The following SLC8B1 variants were observed in gnomAD, a reference collection of about 807,000 sequenced individuals.
SLC8B1 encodes solute carrier family 8 member B1.
SLC8B1 carries 52 observed loss-of-function variants against 63.4 expected under a neutral mutation model. The observed-to-expected ratio is 0.82, with a 90% CI of 0.66 to 1.03. The LOEUF is 1.03. Among genes scored for constraint, SLC8B1 ranks in the 50% least tolerant of loss-of-function variants. The probability of loss-of-function intolerance (pLI) is 0.00; values close to 1 mark genes in which losing one functional copy is unlikely to be tolerated. For missense variants in SLC8B1, 657 were observed against 741.7 expected (o/e 0.89, Z 1.33); for synonymous variants, 336 against 323.9 (o/e 1.04, Z -0.40).
chr12:113,315,366 CA>C lies in SLC8B1; in HGVS notation c.1103del (p.Leu368ArgfsTer5), dbSNP rs1223354096. 1.0e-5 allele frequency: 16 copies of C among 1,555,912 alleles called. No homozygotes were observed. Among genetic ancestry groups the C allele is most frequent in the Non-Finnish European group, 1.3e-5 (15 of 1,149,320 alleles). Reference protein sequence around the residue: ...LNCLHLVISPLVVVLTLQSGT... With the variant: ...LNCLHLVISPXVVVLTLQSGT... ...CCGACTGCAGGGTCAGGACCACAAC[CA>C]GGGGGCTGATAACCAGATGCAGACA... On this transcript the variant is annotated frameshift_variant, in exon 11 of 16. Coordinates refer to ENST00000680972, the MANE Select transcript of SLC8B1 (RefSeq NM_001358345.2). LOFTEE classifies it high-confidence loss of function.
intron 2 of SLC8B1, among the ~76,000 whole-genome samples, chr12:113,324,591 G>A (rs906823826): frequency 6.6e-6 from 1 of 151,368 alleles, no homozygotes; most frequent in Non-Finnish European, 1.5e-5. Flanking sequence ...ATTTTTAGTA[G>A]AAATGGGGTT....
rs931113484 is a variant in SLC8B1 at position 113,305,983 on chromosome 12, C to T, written c.1492+512G>A. Among the ~76,000 whole-genome samples the T allele has an allele frequency of 1.0e-4, 15 of 145,378 alleles. No individual in the cohort carries two copies. Among genetic ancestry groups the T allele is most frequent in the Non-Finnish European group, 2.1e-4 (14 of 67,360 alleles). ...CTGAGGCAGGAGAATTGCTTGAACC[C>T]GGAAGGCAGAAATTGCAGTGAGCCA... On this transcript the variant is annotated intron_variant, in intron 14 of 15. Transcript: ENST00000680972. The surrounding 1 kb of genome is among the most constrained non-coding windows in gnomAD (Gnocchi z 4.3).
At chr12:113,329,242 G>C (rs1481530587) in intron 2 of SLC8B1, among the ~76,000 whole-genome samples, 1 of 152,174 alleles carries the variant, frequency 6.6e-6, no homozygotes, top group South Asian at 2.1e-4. Context: ...GGCACAGAGA[G>C]GCAAAGTGGC....
chr12:113,304,249 G>A (rs1182694131), intron 15 of SLC8B1, 72 bp downstream of exon 15: 7 of 1,443,920 alleles, frequency 4.8e-6, no homozygotes, highest in Non-Finnish European at 6.8e-6. Context: ...CCAAAGCCAG[G>A]GCCTTCCTGC....
intron 15 of SLC8B1, among the ~76,000 whole-genome samples, chr12:113,301,632 C>G (rs1355250840): frequency 6.6e-6 from 1 of 152,168 alleles, no homozygotes; most frequent in East Asian, 1.9e-4. Context: ...AACCACCGCA[C>G]CCAGCCCATA....
chr12:113,311,135 TGCA>T (rs1024537159), intron 11 of SLC8B1, among the ~76,000 whole-genome samples: 1 of 152,126 alleles, frequency 6.6e-6, no homozygotes, highest in African/African-American at 2.4e-5. Flanking sequence ...GGCAACATGG[TGCA>T]ACCCCATCTC....
chr12:113,298,802 A>G lies in SLC8B1; in HGVS notation c.*975T>C, dbSNP rs994898196. ...TTTTGACTTTTTTTTTATTTGGAAAAGAGACAGTTGAATCCCTTTTCTTTA... is the reference window on the plus strand; with the variant it reads ...TTTTGACTTTTTTTTTATTTGGAAAGGAGACAGTTGAATCCCTTTTCTTTA... On this transcript the variant is annotated 3_prime_UTR_variant, in exon 16 of 16. Transcript: ENST00000680972. 2.6e-5 allele frequency: 4 copies of G among 152,240 alleles called. No homozygotes were observed. Among genetic ancestry groups the G allele is most frequent in the African/African-American group, 9.6e-5 (4 of 41,462 alleles). The allele number at this position is 152,240 out of a possible 1,614,324, so 9.4% of individuals were successfully genotyped here. A position where few individuals can be genotyped will look rare whatever the true frequency, so the allele number is the denominator to read the frequency against.
chr12:113,305,992 GAA>G lies in SLC8B1; in HGVS notation c.1492+501_1492+502del, dbSNP rs1289227701. ...GAGAATTGCTTGAACCCGGAAGGCAGAAATTGCAGTGAGCCAAGATCACGCCA... is the reference window on the plus strand; with the variant it reads ...GAGAATTGCTTGAACCCGGAAGGCAGATTGCAGTGAGCCAAGATCACGCCA... On this transcript the variant is annotated intron_variant, in intron 14 of 15. Coordinates refer to ENST00000680972, the MANE Select transcript of SLC8B1 (RefSeq NM_001358345.2). The surrounding 1 kb of genome is among the most constrained non-coding windows in gnomAD (Gnocchi z 4.3). Among the ~76,000 whole-genome samples the G allele has an allele frequency of 7.7e-6, 1 of 129,278 alleles. No individual in the cohort carries two copies. Among genetic ancestry groups the G allele is most frequent in the East Asian group, 2.5e-4 (1 of 3,968 alleles). 84.8% of individuals were successfully genotyped at this position (129,278 alleles called of 152,430 possible).
intron 2 of SLC8B1, among the ~76,000 whole-genome samples, chr12:113,327,528 T>G (rs145626021): frequency 6.6e-6 from 1 of 150,626 alleles, no homozygotes; most frequent in Non-Finnish European, 1.5e-5. Flanking sequence ...CCACTAAAAA[T>G]ATAAAAATTA....
intron 15 of SLC8B1, chr12:113,302,628 A>G (rs1205174192): frequency 2.2e-6 from 1 of 456,072 alleles, no homozygotes; most frequent in Non-Finnish European, 4.4e-6. Flanking sequence ...CGCAGTGAAG[A>G]CATGAGGTAC....
chr12:113,327,558 G>A (rs1364158032), intron 2 of SLC8B1, among the ~76,000 whole-genome samples: 4 of 151,574 alleles, frequency 2.6e-5, no homozygotes, highest in Non-Finnish European at 5.9e-5. Flanking sequence ...GGTGGCGTGT[G>A]CCTGTGTTCC....
intron 2 of SLC8B1, among the ~76,000 whole-genome samples, chr12:113,323,569 C>T (rs915937431): frequency 2.0e-5 from 3 of 151,978 alleles, no homozygotes; most frequent in Non-Finnish European, 2.9e-5. Flanking sequence ...ATGAGCCAGG[C>T]GTGGTGACAT....
intron 15 of SLC8B1, among the ~76,000 whole-genome samples, chr12:113,303,410 C>T (rs1021838029): frequency 2.0e-5 from 3 of 152,128 alleles, no homozygotes; most frequent in Non-Finnish European, 4.4e-5. Flanking sequence ...CAACTCGTGC[C>T]TCTGGGAGAA....
At chr12:113,318,466 G>T (rs553750527) in intron 8 of SLC8B1, among the ~76,000 whole-genome samples, 1 of 151,792 alleles carries the variant, frequency 6.6e-6, no homozygotes, top group South Asian at 2.1e-4. Context: ...ATGTGTGCAT[G>T]TATTTGTGTG....
chr12:113,327,965 C>T (rs1357345824), intron 2 of SLC8B1, among the ~76,000 whole-genome samples: 2 of 139,836 alleles, frequency 1.4e-5, no homozygotes, highest in Non-Finnish European at 3.0e-5. Context: ...GCAACAAGAG[C>T]GAAACTACGT....
At chr12:113,304,672 G>A (rs749284631) in intron 14 of SLC8B1, among the ~76,000 whole-genome samples, 2 of 152,114 alleles carry the variant, frequency 1.3e-5, no homozygotes, top group African/African-American at 4.8e-5. Context: ...GTGTGAACAC[G>A]GCTCACTGCA....
At chr12:113,313,302 G>C (rs948109592) in intron 11 of SLC8B1, among the ~76,000 whole-genome samples, 1 of 151,452 alleles carries the variant, frequency 6.6e-6, no homozygotes, top group Non-Finnish European at 1.5e-5. Context: ...CAGGTGACAC[G>C]GTTTCCTTTT....
chr12:113,299,293 C>A lies in SLC8B1; in HGVS notation c.*484G>T, dbSNP rs762647947. On this transcript the variant is annotated 3_prime_UTR_variant, in exon 16 of 16. Coordinates refer to ENST00000680972, the MANE Select transcript of SLC8B1 (RefSeq NM_001358345.2). The stretch of plus-strand genomic sequence containing the variant: ...TGCGGCTCTGGAGCTCAGCCCTCGG[C>A]GGCCTGATTCCCAGGGGTCCAAGCC... The A allele has an allele frequency of 5.6e-6, 1 of 177,256 alleles. No individual in the cohort carries two copies. Among genetic ancestry groups the A allele is most frequent in the Admixed American group, 5.4e-5 (1 of 18,536 alleles). The allele number at this position is 177,256 out of a possible 1,614,324, so 11.0% of individuals were successfully genotyped here.
chr12:113,319,358 C>T (rs1191471617), intron 7 of SLC8B1: 5 of 317,430 alleles, frequency 1.6e-5, no homozygotes, highest in Non-Finnish European at 3.0e-5. Flanking sequence ...TGCTCTGTGC[C>T]CTGGGAGGAG....
Sources: allele counts gnomAD v4.1 joint callset (sites outside exome capture counted in the v4.1 genomes callset), GRCh38; gene constraint gnomAD v4.1.1; non-coding constraint Gnocchi (gnomAD v3.1); transcripts MANE v1.5; gene names NCBI Gene and HGNC (gene_info 2026-07-23, HGNC 2026-07-21).